Variants in CCDC186 observed in about 807,000 individuals in gnomAD.
CCDC186 encodes coiled-coil domain-containing protein 186.
Under a neutral mutation model 113.7 loss-of-function variants are expected in CCDC186, and 49 were observed. The ratio of observed to expected loss-of-function variants is 0.43; its 90% CI spans 0.34 to 0.55. The LOEUF is 0.55. Among genes scored for constraint, CCDC186 ranks in the 20% least tolerant of loss-of-function variants. CCDC186 has a pLI of 0.02. For missense variants in CCDC186, 890 were observed against 1,011.1 expected, an observed-to-expected ratio of 0.88 and a Z score of 1.62; for synonymous variants, 355 against 345.8, an observed-to-expected ratio of 1.03 and a Z score of -0.30.
chr10:114,162,092 T>C (rs1055750101), intron 2 of CCDC186: 1 of 152,234 alleles, frequency 6.6e-6, no homozygotes, highest in African/African-American at 2.4e-5. Context: ...GTTCTGCAGA[T>C]TGGTTGTCCA....
intron 4 of CCDC186, 134 bp from the exon 5 acceptor site, chr10:114,145,895 C>T: frequency 1.3e-6 from 1 of 775,158 alleles, no homozygotes; most frequent in Non-Finnish European, 1.9e-6. Flanking sequence ...GGACTTGTGC[C>T]ATGAAATTTT....
chr10:114,140,254 T>C (rs2031423913), intron 6 of CCDC186, among the ~76,000 whole-genome samples: 1 of 152,208 alleles, frequency 6.6e-6, no homozygotes, highest in African/African-American at 2.4e-5. Context: ...TTAGATAGAA[T>C]ACCTGGGGAA....
rs761828905 is a variant in CCDC186, at chr10:114,127,634, A to C, written c.2220T>G (p.Ser740=). 1 of 1,614,038 alleles carries C rather than the reference A, an allele frequency of 6.2e-7. No individual in the cohort carries two copies. The highest frequency in any genetic ancestry group is 1.7e-5 in the Admixed American group (1 of 59,992). ...CTACTGAGGACCCAGTATTTTCTGG[A>C]GATCGATCTTCTGCACTGCTTCGAG... ...LNARSSAEDR[S]PENTGSSVAV... The change falls in exon 14 of 16, where the codon TCT becomes TCG. Residue 740 remains serine, a synonymous_variant. Transcript: ENST00000369287.
intron 3 of CCDC186, among the ~76,000 whole-genome samples, chr10:114,154,977 A>AT (rs1199037069): frequency 2.0e-5 from 3 of 152,234 alleles, no homozygotes; most frequent in African/African-American, 7.2e-5. Context: ...AAGAAGCTAG[A>AT]TAAAAAGGGG....
In CCDC186 at chr10:114,122,291, C is replaced by T. The variant is rs753503053; in HGVS notation, c.*2852G>A. 6 of 152,076 alleles carry T rather than the reference C, an allele frequency of 3.9e-5. No homozygotes were observed. The highest frequency in any genetic ancestry group is 1.3e-4 in the Admixed American group (2 of 15,270). The allele number at this position is 152,076 out of a possible 1,614,324, so 9.4% of individuals were successfully genotyped here. On this transcript the variant is annotated 3_prime_UTR_variant, in exon 16 of 16. Transcript: ENST00000369287. Reference sequence around the variant, plus strand: ...GATAAAATTTAATTTCAAGCTAAATCGCTTTAAATGGTTATGAAGATAGAA... The same window carrying T: ...GATAAAATTTAATTTCAAGCTAAATTGCTTTAAATGGTTATGAAGATAGAA...
intron 12 of CCDC186, 168 bp from the exon 13 acceptor site, chr10:114,130,139 G>C: frequency 2.0e-6 from 1 of 497,102 alleles, no homozygotes; most frequent in Admixed American, 3.9e-5. Context: ...ATGTCATTTG[G>C]AAATGTAAAA....
At chr10:114,151,707 T>C (rs965066373) in intron 3 of CCDC186, among the ~76,000 whole-genome samples, 16 of 152,222 alleles carry the variant, frequency 1.1e-4, no homozygotes, top group African/African-American at 2.9e-4. Context: ...AGTCGCTTAG[T>C]AGCCATCTCA....
Position 114,163,042 on chromosome 10 carries a change from C to T in CCDC186, c.227G>A (p.Gly76Asp), listed in dbSNP as rs775309877. The T allele has an allele frequency of 4.3e-6, 7 of 1,613,990 alleles. No individual in the cohort carries two copies. The highest frequency in any genetic ancestry group is 2.2e-5 in the East Asian group (1 of 44,880). ...GTCTGTTTTGGCACAAGAATCCTCA[C>T]CTCCACCATGATCTGGAATATAATT... ...QENYIPDHGGGEDSCAKTDTG... is the reference protein window; with the variant it reads ...QENYIPDHGGDEDSCAKTDTG... The change falls in exon 2 of 16, where the codon GGT (glycine) becomes GAT (aspartate). Residue 76 changes from glycine to aspartate, a missense_variant. By Grantham distance (94) the Gly-to-Asp change is moderately conservative (BLOSUM62 -1). Transcript: ENST00000369287.
chr10:114,150,657 TA>T (rs2031825997), intron 4 of CCDC186, among the ~76,000 whole-genome samples: 1 of 152,216 alleles, frequency 6.6e-6, no homozygotes, highest in African/African-American at 2.4e-5. Context: ...AATGACTTAC[TA>T]TTTTTTTTTA....
intron 5 of CCDC186, among the ~76,000 whole-genome samples, 163 bp downstream of exon 5, chr10:114,145,386 T>C (rs942580140): frequency 4.6e-5 from 7 of 152,156 alleles, no homozygotes; most frequent in African/African-American, 1.7e-4. Context: ...AATAGAACAC[T>C]TGAATTACTA....
chr10:114,136,003 C>A, intron 8 of CCDC186, 26 bp from the exon 9 acceptor site: 1 of 1,584,594 alleles, frequency 6.3e-7, no homozygotes, highest in Non-Finnish European at 8.7e-7. Context: ...AAAGAAACAA[C>A]AAATCATAAT....
chr10:114,148,581 C>T (rs1036903141), intron 4 of CCDC186, among the ~76,000 whole-genome samples: 9 of 152,208 alleles, frequency 5.9e-5, no homozygotes, highest in Admixed American at 3.3e-4. Flanking sequence ...ATTCAATACA[C>T]CAAAAATTTT....
In CCDC186 at chr10:114,144,498, T is replaced by C. The variant is rs914804217; in HGVS notation, c.1220A>G (p.Lys407Arg). Residue 407 changes from lysine to arginine, a missense_variant and splice_region_variant, in exon 6 of 16, where the codon AAG (lysine) becomes AGG (arginine). Physicochemically the swap from Lys to Arg is conservative, Grantham distance 26. Transcript: ENST00000369287. ...ATTCCATTGTATTACAGTACGTACC[T>C]TGTGTGAATCCATTTCAGCTTTTAA... The part of the protein sequence containing the change: ...NKLKAEMDSH[K>R]ETKDKLKETT... 1.2e-6 allele frequency: 2 copies of C among 1,612,854 alleles called. No individual in the cohort carries two copies. Among genetic ancestry groups the C allele is most frequent in the African/African-American group, 1.3e-5 (1 of 74,872 alleles).
At position 114,169,960 on chromosome 10, in the gene CCDC186, C is replaced by T. The variant is rs527699164; in HGVS notation, c.-62+4055G>A. On this transcript the variant is annotated intron_variant, in intron 1 of 15. Coordinates refer to ENST00000369287, the MANE Select transcript of CCDC186 (RefSeq NM_018017.4). ...TCATTCAGGCTGGAATGCAGTGGCT[C>T]AATCATAGGTCACTGCAGCTTCAAA... 2.6e-5 allele frequency among the ~76,000 whole-genome samples: 4 copies of T among 152,210 alleles called. No individual in the cohort carries two copies. In the South Asian group the frequency reaches 6.2e-4, roughly 24 times the overall value.
chr10:114,146,775 T>C (rs1015963552), intron 4 of CCDC186, among the ~76,000 whole-genome samples: 1 of 152,150 alleles, frequency 6.6e-6, no homozygotes, highest in Admixed American at 6.6e-5. Context: ...AAATAAACAC[T>C]GATGATGCAA....
At chr10:114,166,275 T>C (rs1032176229) in intron 1 of CCDC186, among the ~76,000 whole-genome samples, 1 of 152,172 alleles carries the variant, frequency 6.6e-6, no homozygotes, top group African/African-American at 2.4e-5. Context: ...GCCCAACCAG[T>C]CTAACTCAAA....
intron 12 of CCDC186, 119 bp downstream of exon 12, chr10:114,131,028 C>T (rs1023303911): frequency 3.6e-6 from 3 of 842,822 alleles, no homozygotes; most frequent in Non-Finnish European, 3.3e-6. Flanking sequence ...ATTTGGTTTA[C>T]TAATATTAAC....
At chr10:114,169,258 T>TCCC (rs1487860615) in intron 1 of CCDC186, among the ~76,000 whole-genome samples, 8 of 137,954 alleles carry the variant, frequency 5.8e-5, no homozygotes, top group African/African-American at 1.6e-4. Flanking sequence ...TTTTTTTTTT[T>TCCC]CTTAAAAATG....
chr10:114,129,994 C>T (rs747014319), intron 12 of CCDC186, 23 bp from the exon 13 acceptor site: 16 of 1,605,088 alleles, frequency 1.0e-5, no homozygotes, highest in African/African-American at 5.4e-5. Flanking sequence ...GAAGATTATT[C>T]GTCACAATTA....
Sources: gnomAD v4.1 joint callset for allele counts (sites outside exome capture counted in the v4.1 genomes callset) on GRCh38, gnomAD v4.1.1 for gene constraint, MANE v1.5 for transcripts, NCBI Gene and HGNC (gene_info 2026-07-23, HGNC 2026-07-21) for gene names.